The following SLC7A1 variants were observed in gnomAD, a reference collection of about 807,000 sequenced individuals.
SLC7A1 encodes high affinity cationic amino acid transporter 1.
SLC7A1 carries 10 observed loss-of-function variants against 53.9 expected under a neutral mutation model. The observed-to-expected ratio is 0.19, with a 90% CI of 0.11 to 0.31. The LOEUF is 0.31. SLC7A1 is among the 10% of genes least tolerant of loss of function. SLC7A1 has a pLI of 1.00. For synonymous variants in SLC7A1, 342 were observed against 338.7 expected (o/e 1.01, Z -0.11); for missense variants, 525 against 827.2 (o/e 0.63, Z 4.48).
At chr13:29,553,009 G>A (rs1434030582) in intron 2 of SLC7A1, among the ~76,000 whole-genome samples, 2 of 152,182 alleles carry the variant, frequency 1.3e-5, no homozygotes, top group African/African-American at 4.8e-5. Context: ...AGCCTCACTG[G>A]CCAGCCTTGA....
At position 29,573,530 on chromosome 13, in the gene SLC7A1, G is replaced by A. The variant is rs190297684; in HGVS notation, c.-114-19670C>T. Among the ~76,000 whole-genome samples, 276 of 152,262 alleles carry A rather than the reference G, an allele frequency of 1.8e-3. 3 individuals are homozygous for A. Among genetic ancestry groups the A allele is most frequent in the African/African-American group, 6.3e-3 (261 of 41,538 alleles). ...GTCTGACTCTGTGTGTCTGCCTTAA[G>A]GCCCACATCGTCCCCTTTCAAAGTG... On this transcript the variant is annotated intron_variant, in intron 1 of 12. Transcript: ENST00000380752.
intron 1 of SLC7A1, among the ~76,000 whole-genome samples, chr13:29,563,816 T>C (rs1412021792): frequency 6.6e-6 from 1 of 152,150 alleles, no homozygotes; most frequent in East Asian, 1.9e-4. Flanking sequence ...ACTCTGAAAC[T>C]AAGGCACCAC....
chr13:29,556,488 C>T (rs1442812923), intron 1 of SLC7A1, among the ~76,000 whole-genome samples: 1 of 152,150 alleles, frequency 6.6e-6, no homozygotes, highest in Non-Finnish European at 1.5e-5. Flanking sequence ...AGGTGATTCT[C>T]CCACATCAGC....
At chr13:29,546,772 A>T (rs926292155) in intron 2 of SLC7A1, among the ~76,000 whole-genome samples, 1 of 152,200 alleles carries the variant, frequency 6.6e-6, no homozygotes, top group Non-Finnish European at 1.5e-5. Context: ...GGAGACAAAG[A>T]AAAGCTATGA....
rs570302106 is a variant in SLC7A1 at position 29,511,961 on chromosome 13, A to C, written c.*2519T>G. 4.0e-5 allele frequency: 5 copies of C among 125,544 alleles called. No individual in the cohort carries two copies. Among genetic ancestry groups the C allele is most frequent in the Admixed American group, 3.8e-4 (5 of 13,086 alleles). 7.8% of individuals were successfully genotyped at this position (125,544 alleles called of 1,614,324 possible). A position where few individuals can be genotyped will look rare whatever the true frequency, so the allele number is the denominator to read the frequency against. On this transcript the variant is annotated 3_prime_UTR_variant, in exon 13 of 13. Transcript: ENST00000380752. ...TTGGGCAAGGGAACTAAGAGATGTG[A>C]AACTATCATTTTTTTTTTGCTTGTG...
Position 29,522,368 on chromosome 13 carries a change from C to T in SLC7A1, c.1138G>A (p.Asp380Asn). The change falls in exon 8 of 13, where the codon GAT (aspartate) becomes AAT (asparagine). Residue 380 changes from aspartate to asparagine, a missense_variant. Physicochemically the swap from Asp to Asn is conservative, Grantham distance 23. Around this residue, in one of 4 missense-constraint regions of SLC7A1, gnomAD observed 354 missense variants for 587.5 expected, o/e 0.60. Transcript: ENST00000380752. ...LLFKFLANVN[D>N]RTKTPIIATL... is the part of the protein sequence containing the mutation. ...GCGATTATTGGTGTTTTGGTCCTAT[C>T]ATTGACGTTGGCTAAGAATTTAAAT... 1 of 1,614,218 alleles carries T rather than the reference C, an allele frequency of 6.2e-7. No individual in the cohort carries two copies.
Position 29,553,870 on chromosome 13 carries a change from A to G in SLC7A1, c.-114-10T>C, listed in dbSNP as rs939136613. 6.6e-6 allele frequency: 1 copy of G among 151,282 alleles called. No individual in the cohort carries two copies. Among genetic ancestry groups the G allele is most frequent in the African/African-American group, 2.5e-5 (1 of 40,672 alleles). The allele number at this position is 151,282 out of a possible 1,614,324, so 9.4% of individuals were successfully genotyped here. A position where few individuals can be genotyped will look rare whatever the true frequency, so the allele number is the denominator to read the frequency against. On this transcript the variant is annotated splice_polypyrimidine_tract_variant and intron_variant, in intron 1 of 12. Coordinates refer to ENST00000380752, the MANE Select transcript of SLC7A1 (RefSeq NM_003045.5). ...GGAAGGTTTCAGAATCCTGAAAGGC[A>G]AGGAAGAGCCATCAGATATGTTCAG... is the stretch of plus-strand genomic sequence containing the variant.
intron 1 of SLC7A1, among the ~76,000 whole-genome samples, chr13:29,582,620 G>A (rs575328349): frequency 9.9e-5 from 15 of 152,266 alleles, no homozygotes; most frequent in Non-Finnish European, 1.9e-4. Flanking sequence ...TTTTGGAGGT[G>A]CTTGCTACTC....
At chr13:29,514,622 C>T (rs772658415) in intron 12 of SLC7A1, 39 bp from the exon 13 acceptor site, 93 of 1,482,688 alleles carry the variant, frequency 6.3e-5, no homozygotes, top group South Asian at 5.2e-4. Context: ...AACAGACCGC[C>T]GGTTGCACCA....
At chr13:29,531,076 G>A (rs1219804445) in intron 4 of SLC7A1, among the ~76,000 whole-genome samples, 1 of 152,206 alleles carries the variant, frequency 6.6e-6, no homozygotes. Context: ...TCACTAAAAG[G>A]ATGCGTTGCT....
At chr13:29,566,100 G>A (rs1412105991) in intron 1 of SLC7A1, among the ~76,000 whole-genome samples, 1 of 152,228 alleles carries the variant, frequency 6.6e-6, no homozygotes, top group Non-Finnish European at 1.5e-5. Context: ...GTACAACAAT[G>A]TAAATGTAGT....
At chr13:29,579,485 C>T (rs532293454) in intron 1 of SLC7A1, among the ~76,000 whole-genome samples, 36 of 152,016 alleles carry the variant, frequency 2.4e-4, no homozygotes, top group Non-Finnish European at 4.0e-4. Context: ...CTCAGCCTCC[C>T]GAGTAGCTGG....
intron 1 of SLC7A1, among the ~76,000 whole-genome samples, chr13:29,583,393 C>T (rs377425680): frequency 4.6e-5 from 7 of 152,346 alleles, no homozygotes; most frequent in East Asian, 3.9e-4. Context: ...AGGGTGGAAT[C>T]GTGCTTTCTT....
intron 1 of SLC7A1, among the ~76,000 whole-genome samples, chr13:29,559,533 G>GGGGGAGTGAATGTGAGTGAC (rs1566269147): frequency 1.4e-5 from 2 of 141,914 alleles, no homozygotes; most frequent in Non-Finnish European, 3.2e-5. Context: ...ATGTGAGTGA[G>GGGGGAGTGAATGTGAGTGAC]GGGGAGTGAA....
intron 1 of SLC7A1, among the ~76,000 whole-genome samples, chr13:29,580,411 T>TCCG (rs1210412993): frequency 2.8e-4 from 42 of 152,234 alleles, no homozygotes; most frequent in Non-Finnish European, 5.6e-4. Context: ...TCTCAGTGGC[T>TCCG]TCATAACTGC....
rs763232471 is a variant in SLC7A1 at position 29,535,807 on chromosome 13, C to G, written c.370+12G>C. 6.2e-7 allele frequency: 1 copy of G among 1,609,714 alleles called. No homozygotes were observed. On this transcript the variant is annotated intron_variant, in intron 3 of 12. Transcript: ENST00000380752. ...TGGTAGAGGGCACGAGCTCCGGACCCCTGGGACCTACCGATGATGTAGGAG... is the reference window on the plus strand; with the variant it reads ...TGGTAGAGGGCACGAGCTCCGGACCGCTGGGACCTACCGATGATGTAGGAG...
intron 1 of SLC7A1, among the ~76,000 whole-genome samples, chr13:29,591,480 G>A (rs1872107413): frequency 6.6e-6 from 1 of 152,110 alleles, no homozygotes; most frequent in Non-Finnish European, 1.5e-5. Flanking sequence ...CCGAGCAGAG[G>A]CCACTCCCTG....
rs531843419 is a variant in SLC7A1, at chr13:29,515,568, C to T, written c.1786+570G>A. ...CCAGGGCCACTTTCCTGGCTATCAG[C>T]ACTATGACTCAGATGCTGAGGGGAA... On this transcript the variant is annotated intron_variant, in intron 12 of 12. Transcript: ENST00000380752. Among the ~76,000 whole-genome samples, 5 of 152,352 alleles carry T rather than the reference C, an allele frequency of 3.3e-5. 1 individual carries two copies. The South Asian group carries it at 1.0e-3, about 32-fold the overall frequency.
chr13:29,571,486 G>A (rs1871186419), intron 1 of SLC7A1, among the ~76,000 whole-genome samples: 1 of 152,234 alleles, frequency 6.6e-6, no homozygotes, highest in Admixed American at 6.5e-5. Flanking sequence ...AGCTGGCCAT[G>A]GCTGTGGCCT....
Sources: allele counts gnomAD v4.1 joint callset (sites outside exome capture counted in the v4.1 genomes callset), GRCh38; gene constraint gnomAD v4.1.1; regional missense constraint gnomAD v4.1.1; transcripts MANE v1.5; gene names NCBI Gene and HGNC (gene_info 2026-07-23, HGNC 2026-07-21).